The following CERS6 variants were observed in gnomAD, a reference collection of about 807,000 sequenced individuals.
The protein encoded by CERS6 is ceramide synthase 6, also known as LAG1 homolog, ceramide synthase 6.
CERS6 carries 26 observed loss-of-function variants against 56.8 expected under a neutral mutation model. The observed-to-expected ratio is 0.46, with a 90% CI of 0.34 to 0.63. The LOEUF is 0.63. Ranked by LOEUF, CERS6 falls within the 30% of genes least tolerant of loss-of-function variation. The pLI is 0.01. For missense variants in CERS6, 415 were observed against 467.5 expected, an observed-to-expected ratio of 0.89 and a Z score of 1.04; for synonymous variants, 164 against 173.3, an observed-to-expected ratio of 0.95 and a Z score of 0.42.
At chr2:168,717,333 A>G (rs1047659472) in intron 7 of CERS6, among the ~76,000 whole-genome samples, 3 of 152,108 alleles carry the variant, frequency 2.0e-5, no homozygotes, top group African/African-American at 7.2e-5. Context: ...CCAGAAGAGC[A>G]TCTCCCCAGA....
intron 8 of CERS6, among the ~76,000 whole-genome samples, chr2:168,756,790 T>G (rs911992121): frequency 5.3e-5 from 8 of 152,118 alleles, no homozygotes; most frequent in African/African-American, 1.9e-4. Flanking sequence ...TAGCTTCAAG[T>G]CTCAGTGTCC....
chr2:168,680,386 A>G (rs1337837274), intron 4 of CERS6, among the ~76,000 whole-genome samples: 1 of 152,194 alleles, frequency 6.6e-6, no homozygotes, highest in Non-Finnish European at 1.5e-5. Flanking sequence ...AAGGAAAGGG[A>G]TGATAAGGAA....
chr2:168,773,358 A>G lies in CERS6; in HGVS notation c.*3696A>G, dbSNP rs1684915297. The stretch of plus-strand genomic sequence containing the variant: ...AGGCTTCAAGAAATCCTTTGGAAAT[A>G]AAAAGTTAAATGTTTACATTTCATG... On this transcript the variant is annotated 3_prime_UTR_variant, in exon 10 of 10. Transcript: ENST00000305747. The G allele has an allele frequency of 6.6e-6, 1 of 152,242 alleles. No individual in the cohort carries two copies. Among genetic ancestry groups the G allele is most frequent in the Admixed American group, 6.5e-5 (1 of 15,280 alleles). The allele number at this position is 152,242 out of a possible 1,614,324, so 9.4% of individuals were successfully genotyped here. A position where few individuals can be genotyped will look rare whatever the true frequency, so the allele number is the denominator to read the frequency against.
intron 2 of CERS6, among the ~76,000 whole-genome samples, chr2:168,559,262 G>A (rs1695740848): frequency 6.6e-6 from 1 of 151,880 alleles, no homozygotes; most frequent in African/African-American, 2.4e-5. Flanking sequence ...CACAAGGTCA[G>A]TACATTTTGT....
chr2:168,510,033 G>GA (rs1694750896), intron 1 of CERS6, among the ~76,000 whole-genome samples: 1 of 148,106 alleles, frequency 6.8e-6, no homozygotes, highest in South Asian at 2.1e-4. Flanking sequence ...ATAATCACAA[G>GA]AAAAATTTTA....
chr2:168,631,209 C>G lies in CERS6; in HGVS notation c.465+167C>G, dbSNP rs180677872. On this transcript the variant is annotated intron_variant, in intron 4 of 9. Coordinates refer to ENST00000305747, the MANE Select transcript of CERS6 (RefSeq NM_203463.3). ...ACTTACAAAAATATTTCGGATGTTGCTAAGTCCCATAGTCACTCCAGTGGG... is the reference window on the plus strand; with the variant it reads ...ACTTACAAAAATATTTCGGATGTTGGTAAGTCCCATAGTCACTCCAGTGGG... 4.8e-3 allele frequency among the ~76,000 whole-genome samples: 724 copies of G among 150,578 alleles called. 4 individuals are homozygous for G. Among genetic ancestry groups the G allele is most frequent in the African/African-American group, 0.017 (694 of 41,024 alleles).
At chr2:168,617,594 C>T (rs1684348313) in intron 3 of CERS6, among the ~76,000 whole-genome samples, 1 of 152,080 alleles carries the variant, frequency 6.6e-6, no homozygotes, top group Non-Finnish European at 1.5e-5. Flanking sequence ...TTCAAGGCTA[C>T]TATAAACACC....
chr2:168,611,412 C>T (rs528698680), intron 3 of CERS6, among the ~76,000 whole-genome samples: 1 of 152,156 alleles, frequency 6.6e-6, no homozygotes, highest in Non-Finnish European at 1.5e-5. Flanking sequence ...AAGTTTGCAA[C>T]TTTTGTTTAG....
rs555694729 is a variant in CERS6, at chr2:168,655,870, T to C, written c.465+24828T>C. 1.1e-4 allele frequency among the ~76,000 whole-genome samples: 16 copies of C among 152,340 alleles called. No individual in the cohort carries two copies. In the South Asian group the frequency reaches 1.9e-3, roughly 18 times the overall value. ...AATAAGTAGATCTTAGCTGCTTTTATCACATGCACAAAGAAGAAACTGTGT... is the reference window on the plus strand; with the variant it reads ...AATAAGTAGATCTTAGCTGCTTTTACCACATGCACAAAGAAGAAACTGTGT... On this transcript the variant is annotated intron_variant, in intron 4 of 9. Coordinates refer to ENST00000305747, the MANE Select transcript of CERS6 (RefSeq NM_203463.3).
chr2:168,659,998 G>A (rs762386475), intron 4 of CERS6, among the ~76,000 whole-genome samples: 1 of 152,186 alleles, frequency 6.6e-6, no homozygotes, highest in Non-Finnish European at 1.5e-5. Flanking sequence ...GAATACAAAC[G>A]TGGAAATGTG....
At chr2:168,482,661 TGG>T (rs1196329381) in intron 1 of CERS6, among the ~76,000 whole-genome samples, 4 of 152,262 alleles carry the variant, frequency 2.6e-5, no homozygotes, top group Non-Finnish European at 4.4e-5. Context: ...TTTATACAAC[TGG>T]GGGACTCACA....
At chr2:168,554,087 C>T (rs950513056) in intron 2 of CERS6, among the ~76,000 whole-genome samples, 5 of 151,738 alleles carry the variant, frequency 3.3e-5, no homozygotes, top group African/African-American at 1.2e-4. Context: ...TTAAATATTG[C>T]TCATTTGAAT....
At chr2:168,547,187 A>T (rs1169420066) in intron 1 of CERS6, among the ~76,000 whole-genome samples, 1 of 152,260 alleles carries the variant, frequency 6.6e-6, no homozygotes, top group Non-Finnish European at 1.5e-5. Flanking sequence ...CTCTCTCTGC[A>T]TGGATAATTA....
intron 8 of CERS6, among the ~76,000 whole-genome samples, chr2:168,757,840 A>G (rs1279934690): frequency 6.6e-6 from 1 of 152,256 alleles, no homozygotes; most frequent in East Asian, 1.9e-4. Context: ...GGAACTTGAT[A>G]TCAACACCAG....
chr2:168,656,725 CAGT>C (rs1054962012), intron 4 of CERS6, among the ~76,000 whole-genome samples: 4 of 152,154 alleles, frequency 2.6e-5, no homozygotes, highest in Admixed American at 2.6e-4. Context: ...AAAGCTTCCA[CAGT>C]GTGGAAGGGG....
chr2:168,506,699 A>G (rs1035921960), intron 1 of CERS6, among the ~76,000 whole-genome samples: 1 of 152,160 alleles, frequency 6.6e-6, no homozygotes, highest in African/African-American at 2.4e-5. Flanking sequence ...CTTCTCAGTA[A>G]AGAGAATCTG....
intron 3 of CERS6, among the ~76,000 whole-genome samples, chr2:168,601,910 A>C (rs1574092866): frequency 1.3e-5 from 2 of 152,224 alleles, no homozygotes; most frequent in South Asian, 2.1e-4. Flanking sequence ...TTATATTTGC[A>C]TGCAGTGTTG....
intron 6 of CERS6, among the ~76,000 whole-genome samples, chr2:168,708,570 C>A (rs990741242): frequency 1.3e-5 from 2 of 152,222 alleles, no homozygotes; most frequent in Admixed American, 6.5e-5. Context: ...GTCTGAAAAT[C>A]AGTTCATTGA....
At chr2:168,565,573 T>A (rs1695870242) in intron 3 of CERS6, among the ~76,000 whole-genome samples, 1 of 152,236 alleles carries the variant, frequency 6.6e-6, no homozygotes, top group Non-Finnish European at 1.5e-5. Context: ...TTCAGGATAA[T>A]TGTATTTCAT....
Sources: allele counts gnomAD v4.1 joint callset (sites outside exome capture counted in the v4.1 genomes callset), GRCh38; gene constraint gnomAD v4.1.1; transcripts MANE v1.5; gene names NCBI Gene and HGNC (gene_info 2026-07-23, HGNC 2026-07-21).